PRKCH: variants seen among roughly 807,000 people sequenced by gnomAD.
PRKCH encodes protein kinase C eta type.
In PRKCH, 28 loss-of-function variants were observed where a neutral mutation model predicts 82.5. That is an observed-to-expected ratio of 0.34 (90% CI 0.25 to 0.47). The LOEUF (loss-of-function observed/expected upper bound fraction) is 0.47. Among genes scored for constraint, PRKCH ranks in the 20% least tolerant of loss-of-function variants. The pLI is 1.00. For missense variants in PRKCH, 705 were observed against 881.8 expected, an observed-to-expected ratio of 0.80 and a Z score of 2.54; for synonymous variants, 322 against 327.4, an observed-to-expected ratio of 0.98 and a Z score of 0.18.
At chr14:61,517,961 A>G (rs2042850980) in intron 10 of PRKCH, among the ~76,000 whole-genome samples, 2 of 152,186 alleles carry the variant, frequency 1.3e-5, no homozygotes, top group South Asian at 2.1e-4. Flanking sequence ...ACTGGCTATC[A>G]GAAAACCTTC....
At chr14:61,485,757 T>C in intron 10 of PRKCH, 101 bp downstream of exon 10, 13 of 1,408,252 alleles carry the variant, frequency 9.2e-6, no homozygotes, top group Non-Finnish European at 1.2e-5. Flanking sequence ...GAAACCTTTT[T>C]TGGAATTAAA....
chr14:61,227,542 A>C (rs145113332), intron 1 of PRKCH, among the ~76,000 whole-genome samples: 6,881 of 152,256 alleles, frequency 0.045, 481 homozygotes, highest in African/African-American at 0.15. Context: ...TGTAGTGAGC[A>C]GAGATGCGCC....
chr14:61,320,492 G>A (rs186721937), upstream of PRKCH, among the ~76,000 whole-genome samples: 1 of 152,140 alleles, frequency 6.6e-6, no homozygotes, highest in Non-Finnish European at 1.5e-5. Context: ...CCAGCTACTC[G>A]GGAGGCTGGG....
intron 9 of PRKCH, among the ~76,000 whole-genome samples, chr14:61,481,078 T>A (rs910997256): frequency 1.9e-4 from 29 of 152,176 alleles, no homozygotes; most frequent in African/African-American, 6.8e-4. Context: ...ACACCTTCTG[T>A]ACCTCTCCAC....
At chr14:61,235,135 C>T (rs1328674232) in intron 1 of PRKCH, among the ~76,000 whole-genome samples, 1 of 152,164 alleles carries the variant, frequency 6.6e-6, no homozygotes, top group Middle Eastern at 3.2e-3. Flanking sequence ...AGATGCCTAC[C>T]TTAAGGCACC....
At chr14:61,263,040 C>G (rs890392230) in intron 1 of PRKCH, among the ~76,000 whole-genome samples, 2 of 152,142 alleles carry the variant, frequency 1.3e-5, no homozygotes, top group Non-Finnish European at 2.9e-5. Context: ...CCATTTGTAG[C>G]TAGTTTGCTA....
intron 11 of PRKCH, 131 bp downstream of exon 11, chr14:61,529,344 T>A: frequency 3.8e-6 from 4 of 1,055,680 alleles, no homozygotes; most frequent in Non-Finnish European, 5.2e-6. Flanking sequence ...CCGACACCTC[T>A]AGACTCATTT....
chr14:61,309,963 A>G (rs1490358781), intron 1 of PRKCH, among the ~76,000 whole-genome samples: 2 of 152,106 alleles, frequency 1.3e-5, no homozygotes, highest in Non-Finnish European at 2.9e-5. Flanking sequence ...AAAGGGAAAG[A>G]ACCCCTTATA....
intron 1 of PRKCH, among the ~76,000 whole-genome samples, chr14:61,387,533 A>G (rs549217718): frequency 2.6e-5 from 4 of 152,354 alleles, no homozygotes; most frequent in Admixed American, 6.5e-5. Flanking sequence ...TCATAGAGAA[A>G]GATCTGTCTA....
At chr14:61,221,097 T>G (rs1461611473) in intron 1 of PRKCH, among the ~76,000 whole-genome samples, 2 of 150,974 alleles carry the variant, frequency 1.3e-5, no homozygotes, top group Non-Finnish European at 1.5e-5. Flanking sequence ...AAGGTGGGGG[T>G]TTCAGATTAG....
upstream of PRKCH, among the ~76,000 whole-genome samples, chr14:61,321,037 C>G (rs149531656): frequency 2.6e-5 from 4 of 152,340 alleles, no homozygotes; most frequent in Non-Finnish European, 5.9e-5. The surrounding 1 kb of genome is among the most constrained non-coding windows in gnomAD (Gnocchi z 4.1). Context: ...TACTACTGCC[C>G]TATTAAAACA....
chr14:61,528,656 AC>A (rs2043002308), intron 10 of PRKCH, among the ~76,000 whole-genome samples: 1 of 151,870 alleles, frequency 6.6e-6, no homozygotes, highest in South Asian at 2.1e-4. Flanking sequence ...GCCTGTCACC[AC>A]CCCGGGCACA....
At chr14:61,444,914 T>C (rs967243864) in intron 3 of PRKCH, among the ~76,000 whole-genome samples, 5 of 152,248 alleles carry the variant, frequency 3.3e-5, no homozygotes, top group Non-Finnish European at 7.3e-5. Flanking sequence ...GTCCCTTTTA[T>C]GGATGAGGAA....
chr14:61,360,763 A>G (rs2046214532), intron 1 of PRKCH, among the ~76,000 whole-genome samples: 1 of 152,184 alleles, frequency 6.6e-6, no homozygotes, highest in Admixed American at 6.5e-5. Flanking sequence ...AGAAGTAAAC[A>G]GAGGTTTAGT....
intron 1 of PRKCH, among the ~76,000 whole-genome samples, chr14:61,216,609 T>C (rs2140049765): frequency 6.6e-6 from 1 of 152,358 alleles, no homozygotes. Context: ...ATTTCACCTC[T>C]ACTTTTCCAA....
intron 9 of PRKCH, among the ~76,000 whole-genome samples, chr14:61,473,326 A>C (rs943883653): frequency 1.1e-4 from 16 of 152,228 alleles, no homozygotes; most frequent in African/African-American, 3.9e-4. Context: ...AAAAGGAGCC[A>C]GCAAAATCTT....
chr14:61,410,993 G>A (rs888758173), intron 2 of PRKCH, among the ~76,000 whole-genome samples: 3 of 152,212 alleles, frequency 2.0e-5, no homozygotes, highest in Non-Finnish European at 4.4e-5. Context: ...CATCGTGGAT[G>A]CTGTCTTTTC....
intron 1 of PRKCH, among the ~76,000 whole-genome samples, chr14:61,191,734 A>T (rs10150447): frequency 0.033 from 5,070 of 152,182 alleles, 280 homozygotes; most frequent in African/African-American, 0.11. Flanking sequence ...CTCCTTCTGA[A>T]TTGCCTGGCT....
chr14:61,246,362 C>T (rs188980572), intron 1 of PRKCH, among the ~76,000 whole-genome samples: 3 of 150,092 alleles, frequency 2.0e-5, no homozygotes, highest in African/African-American at 7.4e-5. Flanking sequence ...GAGCCAAGAT[C>T]GACCCACTGC....
Sources: gnomAD v4.1 joint callset for allele counts (sites outside exome capture counted in the v4.1 genomes callset) on GRCh38, gnomAD v4.1.1 for gene constraint, Gnocchi (gnomAD v3.1) non-coding constraint, MANE v1.5 for transcripts, NCBI Gene and HGNC (gene_info 2026-07-23, HGNC 2026-07-21) for gene names.